Variants in PHF21A observed in about 807,000 individuals in gnomAD.
The protein encoded by PHF21A is PHD finger protein 21A, also known as BHC80a.
A neutral mutation model predicts 82.5 loss-of-function variants in PHF21A; 11 were observed. The ratio of observed to expected loss-of-function variants is 0.13; its 90% CI spans 0.08 to 0.22. The LOEUF (loss-of-function observed/expected upper bound fraction) is 0.22, where lower values mean the gene tolerates loss of function less well. Among genes scored for constraint, PHF21A ranks in the 10% least tolerant of loss-of-function variants. The pLI, the probability that PHF21A is intolerant of heterozygous loss-of-function variation, is 1.00. For synonymous variants in PHF21A, 297 were observed against 302.8 expected (o/e 0.98, Z 0.20); for missense variants, 579 against 837.8 (o/e 0.69, Z 3.81).
At chr11:46,100,121 G>A (rs1001124174) in intron 1 of PHF21A, among the ~76,000 whole-genome samples, 2 of 152,140 alleles carry the variant, frequency 1.3e-5, no homozygotes, top group Admixed American at 6.5e-5. Flanking sequence ...CCTCAATCAC[G>A]CTGATAAGTA....
At position 45,975,442 on chromosome 11, in the gene PHF21A, T is replaced by C. The variant is rs533595875; in HGVS notation, c.361-4075A>G. Among the ~76,000 whole-genome samples, 4 of 152,080 alleles carry C rather than the reference T, an allele frequency of 2.6e-5. No homozygotes were observed. In the South Asian group the frequency reaches 6.2e-4, roughly 24 times the overall value. On this transcript the variant is annotated intron_variant, in intron 7 of 18. Transcript: ENST00000676320. Reference sequence around the variant, plus strand: ...ATACAAATCAGAATTTAAGGGATTATTACTATGGGATCTAACTTCCACATC... The same window carrying C: ...ATACAAATCAGAATTTAAGGGATTACTACTATGGGATCTAACTTCCACATC...
At chr11:46,091,805 A>C (rs2096927811) in intron 2 of PHF21A, among the ~76,000 whole-genome samples, 2 of 149,842 alleles carry the variant, frequency 1.3e-5, no homozygotes. Flanking sequence ...CTCCTGCCTC[A>C]GCTTCCTAAG....
At chr11:45,935,545 G>A (rs1431384324) in intron 18 of PHF21A, 91 bp downstream of exon 18, 3 of 795,544 alleles carry the variant, frequency 3.8e-6, no homozygotes, top group Non-Finnish European at 6.5e-6. Flanking sequence ...ACCCGAAACA[G>A]CCTGGGGCCC....
In PHF21A at chr11:45,931,934, A is replaced by AT. The variant is rs1167553253; in HGVS notation, c.*2033dup. Reference sequence around the variant, plus strand: ...CGGCCAAGCCGAGGCAAGCGCAGCAATTCTAGCCCAGGGTCACCCAGGAGG... The same window carrying AT: ...CGGCCAAGCCGAGGCAAGCGCAGCAATTTCTAGCCCAGGGTCACCCAGGAGG... On this transcript the variant is annotated 3_prime_UTR_variant, in exon 19 of 19. Transcript: ENST00000676320. 1 of 152,310 alleles carries AT rather than the reference A, an allele frequency of 6.6e-6. No homozygotes were observed. The highest frequency in any genetic ancestry group is 1.5e-5 in the Non-Finnish European group (1 of 68,094). 9.4% of individuals were successfully genotyped at this position (152,310 alleles called of 1,614,324 possible).
intron 6 of PHF21A, among the ~76,000 whole-genome samples, chr11:46,046,324 C>T (rs1327039650): frequency 2.0e-5 from 3 of 152,172 alleles, no homozygotes; most frequent in Non-Finnish European, 4.4e-5. Flanking sequence ...GGCTAATATG[C>T]AAGGGAAACC....
At chr11:46,073,636 T>C (rs1463394826) in intron 6 of PHF21A, among the ~76,000 whole-genome samples, 4 of 152,182 alleles carry the variant, frequency 2.6e-5, no homozygotes, top group South Asian at 4.1e-4. Context: ...CACATACATA[T>C]ATACACAAAA....
At chr11:46,054,758 A>G (rs981425070) in intron 6 of PHF21A, among the ~76,000 whole-genome samples, 1 of 152,200 alleles carries the variant, frequency 6.6e-6, no homozygotes, top group African/African-American at 2.4e-5. Flanking sequence ...ACTGAGGCTG[A>G]GTGGAATGCC....
chr11:46,012,551 T>C (rs1418345280), intron 6 of PHF21A, among the ~76,000 whole-genome samples: 2 of 152,198 alleles, frequency 1.3e-5, no homozygotes, highest in Non-Finnish European at 2.9e-5. Context: ...ACAGTCTCTG[T>C]TTATTCACCT....
At chr11:46,024,939 T>G (rs2138022770) in intron 6 of PHF21A, among the ~76,000 whole-genome samples, 1 of 152,352 alleles carries the variant, frequency 6.6e-6, no homozygotes, top group South Asian at 2.1e-4. Flanking sequence ...CATCCCTTAT[T>G]ATTGAACATC....
At chr11:45,971,433 TA>T in intron 7 of PHF21A, 66 bp from the exon 8 acceptor site, 1 of 1,375,766 alleles carries the variant, frequency 7.3e-7, no homozygotes, top group Admixed American at 2.0e-5. Flanking sequence ...TAAATCCCAC[TA>T]AACAATATGC....
chr11:45,938,035 A>T (rs2089493375), intron 16 of PHF21A, 122 bp downstream of exon 16: 2 of 798,024 alleles, frequency 2.5e-6, no homozygotes, highest in Non-Finnish European at 3.9e-6. Context: ...AACAGGGAAG[A>T]TGCAGCCCGG....
chr11:46,076,262 G>GT (rs946536318), intron 6 of PHF21A, among the ~76,000 whole-genome samples: 73 of 152,274 alleles, frequency 4.8e-4, no homozygotes, highest in African/African-American at 1.7e-3. Flanking sequence ...GTTTTTTCAC[G>GT]TAATAGTAGG....
At position 46,079,161 on chromosome 11, in the gene PHF21A, C is replaced by G; in HGVS notation, c.60G>C (p.Leu20=). The part of the protein sequence containing the change: ...LKVEIQVHQK[L]VAQMKQDPQN... ...GTGGATCCTGCTTCATTTGAGCAAC[C>G]AGTTTCTGGTAATAAAGAGAGAAAA... is the stretch of plus-strand genomic sequence containing the variant. The change falls in exon 5 of 19, where the codon CTG becomes CTC. Residue 20 remains leucine (L), a synonymous_variant. Transcript: ENST00000676320. 6.3e-7 allele frequency: 1 copy of G among 1,595,902 alleles called. No homozygotes were observed. The highest frequency in any genetic ancestry group is 8.6e-7 in the Non-Finnish European group (1 of 1,167,696).
At chr11:45,969,701 C>A in intron 9 of PHF21A, 114 bp downstream of exon 9, 2 of 678,728 alleles carry the variant, frequency 2.9e-6, no homozygotes, top group Non-Finnish European at 5.3e-6. Context: ...GAATGTTTAG[C>A]TAAGCGGGAT....
intron 6 of PHF21A, among the ~76,000 whole-genome samples, chr11:46,010,950 T>G (rs1256709924): frequency 6.6e-6 from 1 of 152,056 alleles, no homozygotes; most frequent in African/African-American, 2.4e-5. Flanking sequence ...TCAAGTCTCC[T>G]CTGTATAAAA....
chr11:45,993,961 G>T (rs1189111572), intron 6 of PHF21A, among the ~76,000 whole-genome samples: 1 of 152,092 alleles, frequency 6.6e-6, no homozygotes, highest in East Asian at 1.9e-4. Flanking sequence ...ACTGGGCAGG[G>T]CTAGATAACT....
chr11:46,019,214 T>A (rs1446305448), intron 6 of PHF21A, among the ~76,000 whole-genome samples: 1 of 152,222 alleles, frequency 6.6e-6, no homozygotes, highest in Non-Finnish European at 1.5e-5. Context: ...AACTGCTTTT[T>A]AATTCTTTCT....
intron 1 of PHF21A, among the ~76,000 whole-genome samples, chr11:46,092,922 T>C (rs1365811141): frequency 6.6e-6 from 1 of 151,930 alleles, no homozygotes; most frequent in African/African-American, 2.4e-5. Flanking sequence ...TGCCTGGCTA[T>C]TACTTTATTT....
intron 6 of PHF21A, among the ~76,000 whole-genome samples, chr11:45,992,519 G>A (rs2094746065): frequency 1.3e-5 from 2 of 152,146 alleles, no homozygotes; most frequent in South Asian, 2.1e-4. Flanking sequence ...CAGCCTGAGC[G>A]CTGGGTGACA....
Sources: gnomAD v4.1 joint callset for allele counts (sites outside exome capture counted in the v4.1 genomes callset) on GRCh38, gnomAD v4.1.1 for gene constraint, MANE v1.5 for transcripts, NCBI Gene and HGNC (gene_info 2026-07-23, HGNC 2026-07-21) for gene names.